The following ABCG2 variants were observed in gnomAD, a reference collection of about 807,000 sequenced individuals.
The protein encoded by ABCG2 is ATP binding cassette subfamily G member 2 (JR blood group), also known as broad substrate specificity ATP-binding cassette transporter ABCG2.
A neutral mutation model predicts 73.5 loss-of-function variants in ABCG2; 80 were observed. The observed-to-expected ratio is 1.09, with a 90% CI of 0.91 to 1.31. The LOEUF (loss-of-function observed/expected upper bound fraction) is 1.31, where lower values mean the gene tolerates loss of function less well. ABCG2 is among the 50% of genes most tolerant of loss of function. The pLI, the probability that ABCG2 is intolerant of heterozygous loss-of-function variation, is 0.00. For missense variants in ABCG2, 796 were observed against 786.2 expected (o/e 1.01, Z -0.15); for synonymous variants, 269 against 282.4 (o/e 0.95, Z 0.48).
intron 1 of ABCG2, among the ~76,000 whole-genome samples, chr4:88,205,021 G>C (rs1441277794): frequency 1.3e-5 from 2 of 152,336 alleles, no homozygotes; most frequent in African/African-American, 4.8e-5. Context: ...TCAGTGTCTT[G>C]AGAGTACTGC....
At chr4:88,162,976 G>A (rs1359547747), upstream of ABCG2, among the ~76,000 whole-genome samples, 1 of 152,198 alleles carries the variant, frequency 6.6e-6, no homozygotes, top group Non-Finnish European at 1.5e-5. Flanking sequence ...TAAGGCCCCA[G>A]TATGCTACAT....
chr4:88,150,315 G>C (rs148466505), intron 1 of ABCG2, among the ~76,000 whole-genome samples: 4 of 152,306 alleles, frequency 2.6e-5, no homozygotes, highest in Non-Finnish European at 5.9e-5. Context: ...GGTCACGGAA[G>C]GCCTTTCCAG....
chr4:88,132,832 G>A (rs1451742591), intron 2 of ABCG2, among the ~76,000 whole-genome samples, 197 bp from the exon 3 acceptor site: 1 of 152,112 alleles, frequency 6.6e-6, no homozygotes, highest in African/African-American at 2.4e-5. Context: ...AGCACTCTGG[G>A]AGACCAAAGC....
Position 88,092,205 on chromosome 4 carries a change from G to A in ABCG2, c.*29C>T. ...ATCAAAGTGCTTCTTTTTTATGTGA[G>A]GATAAATCATACTGAATTAAGGGGA... On this transcript the variant is annotated 3_prime_UTR_variant, in exon 16 of 16. Coordinates refer to ENST00000237612, the MANE Select transcript of ABCG2 (RefSeq NM_004827.3). 6.4e-7 allele frequency: 1 copy of A among 1,573,552 alleles called. No homozygotes were observed. Among genetic ancestry groups the A allele is most frequent in the Non-Finnish European group, 8.6e-7 (1 of 1,156,204 alleles).
rs1286314405 is a variant in ABCG2, at chr4:88,137,073, A to T, written c.203+2720T>A. On this transcript the variant is annotated intron_variant, in intron 2 of 15. Transcript: ENST00000237612. ...AATAAAATAAAATAAGAATGAGGAG[A>T]TATATCCAAAGAATGAGAGACGGAG... Among the ~76,000 whole-genome samples, 4 of 146,410 alleles carry T rather than the reference A, an allele frequency of 2.7e-5. No homozygotes were observed. The South Asian group carries it at 8.5e-4, about 31-fold the overall frequency.
At chr4:88,229,833 G>A (rs1373141052) in intron 1 of ABCG2, among the ~76,000 whole-genome samples, 1 of 152,026 alleles carries the variant, frequency 6.6e-6, no homozygotes, top group African/African-American at 2.4e-5. Context: ...TGCATTTAAA[G>A]AACACTACCA....
intron 1 of ABCG2, among the ~76,000 whole-genome samples, chr4:88,141,778 A>G (rs979935836): frequency 6.6e-6 from 1 of 152,232 alleles, no homozygotes; most frequent in Non-Finnish European, 1.5e-5. Flanking sequence ...GGCATGCCAA[A>G]AAACAGAACC....
chr4:88,218,077 G>T (rs1456045550), intron 1 of ABCG2, among the ~76,000 whole-genome samples: 1 of 151,600 alleles, frequency 6.6e-6, no homozygotes, highest in Non-Finnish European at 1.5e-5. Context: ...CGCTAGACAT[G>T]TTCCTGCCTC....
chr4:88,182,476 T>C (rs1473944489), intron 1 of ABCG2, among the ~76,000 whole-genome samples: 1 of 152,106 alleles, frequency 6.6e-6, no homozygotes, highest in Non-Finnish European at 1.5e-5. Flanking sequence ...TGGATCTTTC[T>C]CAAGGATAGA....
intron 1 of ABCG2, among the ~76,000 whole-genome samples, chr4:88,202,207 G>A (rs184577892): frequency 4.6e-5 from 7 of 151,002 alleles, no homozygotes; most frequent in Admixed American, 6.6e-5. Context: ...GTCAACTTTC[G>A]GCCAAGAAAT....
At chr4:88,167,400 G>A (rs1325335925) in intron 1 of ABCG2, among the ~76,000 whole-genome samples, 1 of 132,112 alleles carries the variant, frequency 7.6e-6, no homozygotes, top group Middle Eastern at 4.3e-3. Context: ...TTGAGATGGA[G>A]TCTCGCCCTG....
chr4:88,107,615 A>G (rs949507577), intron 9 of ABCG2, among the ~76,000 whole-genome samples: 10 of 152,210 alleles, frequency 6.6e-5, no homozygotes, highest in Non-Finnish European at 1.0e-4. Context: ...AGAGCAATGC[A>G]AGTATGTAGC....
intron 1 of ABCG2, among the ~76,000 whole-genome samples, chr4:88,211,481 A>G (rs985495815): frequency 1.3e-5 from 2 of 151,594 alleles, no homozygotes; most frequent in African/African-American, 4.9e-5. Flanking sequence ...CAATGGCGCG[A>G]TCTCCGCTCA....
At chr4:88,200,024 T>C (rs1729097165) in intron 1 of ABCG2, among the ~76,000 whole-genome samples, 1 of 151,986 alleles carries the variant, frequency 6.6e-6, no homozygotes, top group Admixed American at 6.6e-5. Context: ...TTTTACTTTA[T>C]TTTATTTTTT....
intron 3 of ABCG2, among the ~76,000 whole-genome samples, chr4:88,132,261 C>T (rs778079505): frequency 6.6e-6 from 1 of 152,032 alleles, no homozygotes. Flanking sequence ...AAGACTCATG[C>T]CTTTACTTAC....
intron 1 of ABCG2, among the ~76,000 whole-genome samples, chr4:88,195,227 C>G (rs1164688999): frequency 1.3e-5 from 2 of 152,118 alleles, no homozygotes; most frequent in African/African-American, 2.4e-5. Context: ...GAGTGAGACC[C>G]TGTCTCTAAA....
intron 1 of ABCG2, among the ~76,000 whole-genome samples, chr4:88,219,880 T>C (rs548738710): frequency 6.6e-6 from 1 of 152,184 alleles, no homozygotes; most frequent in East Asian, 1.9e-4. Context: ...CAAATAGTTT[T>C]TAAGTGTACT....
In ABCG2 at chr4:88,091,104, G is replaced by A. The variant is rs1249531481; in HGVS notation, c.*1130C>T. 4 of 152,178 alleles carry A rather than the reference G, an allele frequency of 2.6e-5. No individual in the cohort carries two copies. In the East Asian group the frequency reaches 5.8e-4, roughly 22 times the overall value. The allele number at this position is 152,178 out of a possible 1,614,324, so 9.4% of individuals were successfully genotyped here. A position where few individuals can be genotyped will look rare whatever the true frequency, so the allele number is the denominator to read the frequency against. On this transcript the variant is annotated 3_prime_UTR_variant, in exon 16 of 16. Transcript: ENST00000237612. ...AAGTGTCATTTCAAAAATAACCCAG[G>A]GGTAAGGAAGGAAGTAGTGACTGGG... is the stretch of plus-strand genomic sequence containing the variant.
chr4:88,209,236 G>C (rs576517498), intron 1 of ABCG2, among the ~76,000 whole-genome samples: 28 of 150,722 alleles, frequency 1.9e-4, no homozygotes, highest in African/African-American at 6.6e-4. Context: ...CTTGAACCAG[G>C]GAGGCAGAGC....
Sources: gnomAD v4.1 joint callset for allele counts (sites outside exome capture counted in the v4.1 genomes callset) on GRCh38, gnomAD v4.1.1 for gene constraint, MANE v1.5 for transcripts, NCBI Gene and HGNC (gene_info 2026-07-23, HGNC 2026-07-21) for gene names.